The following SLC12A3 variants were observed in gnomAD, a reference collection of about 807,000 sequenced individuals.
SLC12A3 encodes the protein solute carrier family 12 member 3, also known as Na-Cl cotransporter.
SLC12A3 carries 104 observed loss-of-function variants against 121.0 expected under a neutral mutation model. The ratio of observed to expected loss-of-function variants is 0.86; its 90% CI spans 0.73 to 1.01. The LOEUF is 1.01. Among genes scored for constraint, SLC12A3 ranks in the 50% least tolerant of loss-of-function variants. The pLI is 0.00. For missense variants in SLC12A3, 1,328 were observed against 1,356.3 expected (o/e 0.98, Z 0.33); for synonymous variants, 536 against 533.4 (o/e 1.00, Z -0.07).
At chr16:56,906,908 G>A (rs2055615023) in intron 25 of SLC12A3, 1 of 493,552 alleles carries the variant, frequency 2.0e-6, no homozygotes, top group Middle Eastern at 6.4e-4. Flanking sequence ...AGGCCACGTT[G>A]GTGCTGGCAA....
intron 25 of SLC12A3, among the ~76,000 whole-genome samples, chr16:56,909,316 CAAA>C (rs113559082): frequency 7.6e-6 from 1 of 131,804 alleles, no homozygotes; most frequent in Non-Finnish European, 1.7e-5. Flanking sequence ...AAAAAGAAAG[CAAA>C]AAAAAAAAAA....
chr16:56,892,348 C>A (rs915848500), intron 20 of SLC12A3, among the ~76,000 whole-genome samples: 1 of 152,126 alleles, frequency 6.6e-6, no homozygotes, highest in Non-Finnish European at 1.5e-5. Context: ...GTGGCTCATG[C>A]CTGTAATCCC....
At position 56,904,404 on chromosome 16, in the gene SLC12A3, C is replaced by T. The variant is rs761692493; in HGVS notation, c.2866C>T (p.Gln956Ter). Reference protein sequence around the residue: ...ITKNRVKSLRQVRLNEIVLDY... With the variant: ...ITKNRVKSLR ...GCTTTCTCCCGCCCAGTCCCTTCGG[C>T]AGGTGAGGCTGAATGAGATTGTGCT... is the stretch of plus-strand genomic sequence containing the variant. The change falls in exon 25 of 26, where the codon CAG (glutamine) becomes TAG (stop). Residue 956 changes from glutamine to a stop codon, truncating the protein, a stop_gained. Transcript: ENST00000563236. LOFTEE classifies it high-confidence loss of function. 11 of 1,613,944 alleles carry T rather than the reference C, an allele frequency of 6.8e-6. No individual in the cohort carries two copies. Among genetic ancestry groups the T allele is most frequent in the East Asian group, 2.2e-5 (1 of 44,874 alleles).
rs1432436647 is a variant in SLC12A3 at position 56,865,250 on chromosome 16, C to T, written c.15C>T (p.Pro5=). Residue 5 remains proline (P), a synonymous_variant, in exon 1 of 26, where the codon CCC becomes CCT. Coordinates refer to ENST00000563236, the MANE Select transcript of SLC12A3 (RefSeq NM_001126108.2). ...CCCAGGCGACAATGGCAGAACTGCC[C>T]ACAACAGAGACGCCTGGGGACGCCA... MAEL[P]TTETPGDATL... is the part of the protein sequence containing the mutation. The T allele has an allele frequency of 5.0e-6, 8 of 1,613,576 alleles. No individual in the cohort carries two copies. Among genetic ancestry groups the T allele is most frequent in the South Asian group, 1.1e-5 (1 of 91,090 alleles).
rs550936481 is a variant in SLC12A3, at chr16:56,913,643, A to G, written c.*238A>G. The G allele has an allele frequency of 3.8e-5, 22 of 575,060 alleles. No individual in the cohort carries two copies. Among genetic ancestry groups the G allele is most frequent in the Non-Finnish European group, 5.9e-5 (19 of 320,996 alleles). 35.6% of individuals were successfully genotyped at this position (575,060 alleles called of 1,614,324 possible). On this transcript the variant is annotated 3_prime_UTR_variant, in exon 26 of 26. Transcript: ENST00000563236. ...GAAATAGCAGATGGAGCTGCAAGGA[A>G]AACTCTCTAAAGCATCCTATTCCTT...
rs1387032475 is a variant in SLC12A3, at chr16:56,886,860, C to T, written c.2038-93C>T. 8 of 1,556,530 alleles carry T rather than the reference C, an allele frequency of 5.1e-6. No individual in the cohort carries two copies. The East Asian group carries it at 1.4e-4, about 27-fold the overall frequency. On this transcript the variant is annotated intron_variant, in intron 16 of 25. Coordinates refer to ENST00000563236, the MANE Select transcript of SLC12A3 (RefSeq NM_001126108.2). ...AAAGGGCACCGTGGGTGCTGCCAAG[C>T]CCCTGGGGCAGCCTCCAGGGCAGGA...
chr16:56,887,772 TTATATA>T (rs1555500981), intron 17 of SLC12A3, among the ~76,000 whole-genome samples, 147 bp from the exon 18 acceptor site: 42 of 59,962 alleles, frequency 7.0e-4, no homozygotes, highest in East Asian at 1.7e-3. Context: ...ATTTTTAAGA[TTATATA>T]TATATATATA....
In SLC12A3 at chr16:56,882,395, G is replaced by A. The variant is rs199511487; in HGVS notation, c.1568-1G>A. ...TCCTCTCTCTCCCTGGGTCCCCGAAGCTGAGCTCAACACCATAGCCCCCAT... is the reference window on the plus strand; with the variant it reads ...TCCTCTCTCTCCCTGGGTCCCCGAAACTGAGCTCAACACCATAGCCCCCAT... On this transcript the variant is annotated splice_acceptor_variant, in intron 12 of 25. Transcript: ENST00000563236. LOFTEE classifies it high-confidence loss of function. 3.7e-6 allele frequency: 6 copies of A among 1,613,592 alleles called. No individual in the cohort carries two copies. Among genetic ancestry groups the A allele is most frequent in the Non-Finnish European group, 4.2e-6 (5 of 1,179,476 alleles).
At chr16:56,905,536 T>A (rs1261245159) in intron 25 of SLC12A3, among the ~76,000 whole-genome samples, 1 of 152,024 alleles carries the variant, frequency 6.6e-6, no homozygotes, top group Non-Finnish European at 1.5e-5. Flanking sequence ...CCTGTCACCA[T>A]CTGACCTGGA....
intron 22 of SLC12A3, among the ~76,000 whole-genome samples, chr16:56,895,768 G>T (rs13338222): frequency 0.22 from 33,476 of 151,792 alleles, 3,930 homozygotes; most frequent in African/African-American, 0.31. Context: ...TGATTACATG[G>T]TAACATATAA....
rs1257717478 is a variant in SLC12A3, at chr16:56,902,446, G to T, written c.2794G>T (p.Glu932Ter). 1 of 1,607,122 alleles carries T rather than the reference G, an allele frequency of 6.2e-7. No homozygotes were observed. The highest frequency in any genetic ancestry group is 1.1e-5 in the South Asian group (1 of 90,966). ...CTTCAAGGATGAGGCCACTGTCAACGAGATGCGGCGGGACTGCCCCTGGAA... is the reference window on the plus strand; with the variant it reads ...CTTCAAGGATGAGGCCACTGTCAACTAGATGCGGCGGGACTGCCCCTGGAA... ...DGFKDEATVN[E>*]MRRDCPWKIS... The change falls in exon 24 of 26, where the codon GAG becomes TAG. Residue 932 changes from glutamate to a stop codon, truncating the protein, a stop_gained. Transcript: ENST00000563236. LOFTEE classifies it high-confidence loss of function.
At chr16:56,899,064 C>T (rs1477692489) in intron 22 of SLC12A3, among the ~76,000 whole-genome samples, 1 of 152,224 alleles carries the variant, frequency 6.6e-6, no homozygotes, top group Non-Finnish European at 1.5e-5. Flanking sequence ...AATTACTTTT[C>T]CGTTTCACTT....
intron 22 of SLC12A3, among the ~76,000 whole-genome samples, chr16:56,896,789 T>A (rs2055467927): frequency 6.6e-6 from 1 of 152,134 alleles, no homozygotes; most frequent in African/African-American, 2.4e-5. Context: ...AAAATTTCCC[T>A]TTGAAATGTA....
chr16:56,865,227 C>T lies in SLC12A3; in HGVS notation c.-9C>T. Reference sequence around the variant, plus strand: ...GGATCCTGGCCCCTCCCTGGACACCCAGGCGACAATGGCAGAACTGCCCAC... The same window carrying T: ...GGATCCTGGCCCCTCCCTGGACACCTAGGCGACAATGGCAGAACTGCCCAC... On this transcript the variant is annotated 5_prime_UTR_variant, in exon 1 of 26. Transcript: ENST00000563236. 2 of 1,613,302 alleles carry T rather than the reference C, an allele frequency of 1.2e-6. No homozygotes were observed. Among genetic ancestry groups the T allele is most frequent in the Non-Finnish European group, 8.5e-7 (1 of 1,179,932 alleles).
chr16:56,894,773 G>T, intron 22 of SLC12A3, 131 bp downstream of exon 22: 1 of 702,726 alleles, frequency 1.4e-6, no homozygotes, highest in South Asian at 1.6e-5. Flanking sequence ...CCAAAGCCCA[G>T]GGCCAGCTCT....
chr16:56,874,933 G>A (rs531884078), intron 8 of SLC12A3, among the ~76,000 whole-genome samples: 1 of 152,218 alleles, frequency 6.6e-6, no homozygotes, highest in African/African-American at 2.4e-5. Context: ...CGTTGGTTTG[G>A]CTCCTCTCCT....
At position 56,868,323 on chromosome 16, in the gene SLC12A3, C is replaced by G; in HGVS notation, c.456C>G (p.Gly152=). ...VMIRCMLNIW[G]VILYLRLPWI... Reference sequence around the variant, plus strand: ...TTCGTTGCATGCTCAACATTTGGGGCGTGATCCTCTACCTGCGGCTGCCCT... The same window carrying G: ...TTCGTTGCATGCTCAACATTTGGGGGGTGATCCTCTACCTGCGGCTGCCCT... The change falls in exon 3 of 26, where the codon GGC becomes GGG. Residue 152 remains glycine, a synonymous_variant. Coordinates refer to ENST00000563236, the MANE Select transcript of SLC12A3 (RefSeq NM_001126108.2). 1 of 1,613,954 alleles carries G rather than the reference C, an allele frequency of 6.2e-7. No homozygotes were observed. Among genetic ancestry groups the G allele is most frequent in the Non-Finnish European group, 8.5e-7 (1 of 1,179,962 alleles).
At position 56,904,466 on chromosome 16, in the gene SLC12A3, A is replaced by T. The variant is rs1279479006; in HGVS notation, c.2924+4A>T. 4 of 1,613,512 alleles carry T rather than the reference A, an allele frequency of 2.5e-6. No homozygotes were observed. Among genetic ancestry groups the T allele is most frequent in the Non-Finnish European group, 3.4e-6 (4 of 1,179,510 alleles). On this transcript the variant is annotated splice_donor_region_variant and intron_variant, in intron 25 of 25. Transcript: ENST00000563236. ...GAGACGCTGCTCTCATCGTCATGTA[A>T]GTAGTGCCCGGCTGGTGGGAGGACC...
intron 8 of SLC12A3, among the ~76,000 whole-genome samples, chr16:56,876,009 C>A (rs930065088): frequency 6.6e-6 from 1 of 151,898 alleles, no homozygotes; most frequent in Non-Finnish European, 1.5e-5. Flanking sequence ...ATTCCCTCCC[C>A]GTTCAGGAGG....
Sources: allele counts gnomAD v4.1 joint callset (sites outside exome capture counted in the v4.1 genomes callset), GRCh38; gene constraint gnomAD v4.1.1; transcripts MANE v1.5; gene names NCBI Gene and HGNC (gene_info 2026-07-23, HGNC 2026-07-21).